PDE1A: variants seen among roughly 807,000 people sequenced by gnomAD.
PDE1A encodes phosphodiesterase 1A.
Under a neutral mutation model 61.7 loss-of-function variants are expected in PDE1A, and 35 were observed. The observed-to-expected ratio is 0.57, with a 90% confidence interval of 0.43 to 0.75. The LOEUF (loss-of-function observed/expected upper bound fraction) is 0.75, where lower values mean the gene tolerates loss of function less well. PDE1A is among the 30% of genes least tolerant of loss of function. The pLI is 0.00. For synonymous variants in PDE1A, 232 were observed against 213.2 expected (o/e 1.09, Z -0.77); for missense variants, 597 against 630.6 (o/e 0.95, Z 0.57).
At chr2:182,440,619 T>A (rs1473232509) in intron 2 of PDE1A, among the ~76,000 whole-genome samples, 1 of 152,100 alleles carries the variant, frequency 6.6e-6, no homozygotes, top group Non-Finnish European at 1.5e-5. Flanking sequence ...ACTTTTCTAT[T>A]GAGAAATGAA....
chr2:182,237,989 C>T lies in PDE1A; in HGVS notation c.350+2121G>A, dbSNP rs563884505. Among the ~76,000 whole-genome samples the T allele has an allele frequency of 8.1e-4, 123 of 152,132 alleles. 1 individual carries two copies. The highest frequency in any genetic ancestry group is 2.7e-3 in the African/African-American group (110 of 41,498). On this transcript the variant is annotated intron_variant, in intron 3 of 13. Coordinates refer to ENST00000351439, the Ensembl canonical transcript of PDE1A. ...AAGCTTAAGAATGACAGGAACTAGG[C>T]TGGGCACGGTGGCTCACGCCTGTAA...
At chr2:182,301,925 G>A (rs1446516581) in intron 1 of PDE1A, among the ~76,000 whole-genome samples, 2 of 152,174 alleles carry the variant, frequency 1.3e-5, no homozygotes, top group Non-Finnish European at 2.9e-5. Context: ...AGTGATAGAG[G>A]AGGGGCATGA....
the PDE1A span, among the ~76,000 whole-genome samples, chr2:182,589,605 ATACTT>A: frequency 6.6e-6 from 1 of 152,212 alleles, no homozygotes; most frequent in Non-Finnish European, 1.5e-5. Context: ...TTAGCCAACT[ATACTT>A]AGAGTAATGC....
chr2:182,574,786 T>A, the PDE1A span, among the ~76,000 whole-genome samples: 9,642 of 152,110 alleles, frequency 0.063, 340 homozygotes, highest in Admixed American at 0.09. Flanking sequence ...CTGCCTCCAG[T>A]TTCAAGTGAT....
the PDE1A span, chr2:182,716,208 AG>A: frequency 6.6e-6 from 1 of 152,234 alleles, no homozygotes; most frequent in Admixed American, 6.5e-5. Context: ...GGGTCTCCCC[AG>A]GCAGCGTCCT....
chr2:182,393,852 A>C (rs1701555075), intron 1 of PDE1A, among the ~76,000 whole-genome samples: 1 of 152,122 alleles, frequency 6.6e-6, no homozygotes, highest in African/African-American at 2.4e-5. Context: ...TCTCATCTCC[A>C]TCTGAGACCA....
At chr2:182,630,932 CT>C in the PDE1A span, among the ~76,000 whole-genome samples, 2 of 151,928 alleles carry the variant, frequency 1.3e-5, no homozygotes, top group East Asian at 3.9e-4. Context: ...AATTTGAGTT[CT>C]GTATTAATTA....
intron 1 of PDE1A, among the ~76,000 whole-genome samples, chr2:182,268,943 A>T (rs1692823163): frequency 6.6e-6 from 1 of 152,106 alleles, no homozygotes. Context: ...CAAATAAAAA[A>T]TTTTCAGGCA....
chr2:182,307,149 A>G (rs527353242), intron 1 of PDE1A, among the ~76,000 whole-genome samples: 120 of 152,280 alleles, frequency 7.9e-4, no homozygotes, highest in Middle Eastern at 3.4e-3. Context: ...GCCTGAATAG[A>G]TATTTCTCAA....
chr2:182,581,671 C>T, the PDE1A span, among the ~76,000 whole-genome samples: 8 of 152,100 alleles, frequency 5.3e-5, no homozygotes, highest in Non-Finnish European at 8.8e-5. Flanking sequence ...GTATAGGACA[C>T]CCAAGAAGAA....
intron 1 of PDE1A, among the ~76,000 whole-genome samples, chr2:182,344,375 A>T (rs1236211145): frequency 1.3e-5 from 2 of 152,148 alleles, no homozygotes; most frequent in African/African-American, 4.8e-5. Context: ...TTGTATGTTG[A>T]TTTGCTCTTA....
At position 182,231,809 on chromosome 2, in the gene PDE1A, G is replaced by A. The variant is rs1020852735; in HGVS notation, c.418-678C>T. 2.0e-5 allele frequency among the ~76,000 whole-genome samples: 3 copies of A among 152,064 alleles called. No homozygotes were observed. In the South Asian group the frequency reaches 6.2e-4, roughly 32 times the overall value. On this transcript the variant is annotated intron_variant, in intron 4 of 13. Coordinates refer to ENST00000351439, the Ensembl canonical transcript of PDE1A. ...GCACGCCTGTAATCCCAGCTAATCA[G>A]GAGGCTGAGGCAGGAGAATCGCTTG...
chr2:182,300,593 GT>G (rs1255650943), intron 1 of PDE1A, among the ~76,000 whole-genome samples: 1 of 152,172 alleles, frequency 6.6e-6, no homozygotes, highest in Non-Finnish European at 1.5e-5. Context: ...TGACTTGAAT[GT>G]TTAGTAAGTG....
In PDE1A at chr2:182,426,560, CG is replaced by C. The variant is rs762556953; in HGVS notation, c.53+17del. On this transcript the variant is annotated intron_variant, in intron 1 of 13. Coordinates refer to ENST00000351439, the Ensembl canonical transcript of PDE1A. The stretch of plus-strand genomic sequence containing the variant: ...TTCCTGACAGCCCTAGAGCCACCTG[CG>C]ATGTAGCATTACTTACCTAAAGATG... 1 of 1,537,900 alleles carries C rather than the reference CG, an allele frequency of 6.5e-7. No individual in the cohort carries two copies. The highest frequency in any genetic ancestry group is 9.0e-7 in the Non-Finnish European group (1 of 1,111,950).
chr2:182,255,023 G>C (rs1312328807), intron 2 of PDE1A, among the ~76,000 whole-genome samples: 3 of 152,074 alleles, frequency 2.0e-5, no homozygotes, highest in Non-Finnish European at 4.4e-5. Flanking sequence ...GGATCCTATG[G>C]GAAAGAAAAC....
intron 2 of PDE1A, among the ~76,000 whole-genome samples, chr2:182,251,543 A>C (rs1194070231): frequency 6.6e-6 from 1 of 152,212 alleles, no homozygotes; most frequent in Non-Finnish European, 1.5e-5. Context: ...TTGAATCAGA[A>C]AGTCTGGGAG....
intron 2 of PDE1A, among the ~76,000 whole-genome samples, chr2:182,497,201 C>T (rs1022348582): frequency 6.6e-6 from 1 of 152,058 alleles, no homozygotes; most frequent in Admixed American, 6.6e-5. Flanking sequence ...GTTATAAATC[C>T]CTCAAAAGGA....
chr2:182,461,044 T>C (rs1411231003), intron 2 of PDE1A, among the ~76,000 whole-genome samples: 1 of 152,158 alleles, frequency 6.6e-6, no homozygotes, highest in Admixed American at 6.6e-5. Context: ...TTTAATATAC[T>C]AAAGTACCCT....
intron 1 of PDE1A, among the ~76,000 whole-genome samples, chr2:182,390,438 C>T (rs2125384220): frequency 6.6e-6 from 1 of 152,224 alleles, no homozygotes; most frequent in Middle Eastern, 3.4e-3. Flanking sequence ...TACATAATAC[C>T]TTCAACCATA....
Sources: allele counts gnomAD v4.1 joint callset (sites outside exome capture counted in the v4.1 genomes callset), GRCh38; gene constraint gnomAD v4.1.1; transcripts MANE v1.5; gene names NCBI Gene and HGNC (gene_info 2026-07-23, HGNC 2026-07-21).